The following LUZP2 variants were observed in gnomAD, a reference collection of about 807,000 sequenced individuals.
The protein encoded by LUZP2 is leucine zipper protein 2.
LUZP2 carries 52 observed loss-of-function variants against 51.6 expected under a neutral mutation model. That is an observed-to-expected ratio of 1.01 (90% CI 0.81 to 1.27). LUZP2 has a LOEUF of 1.27. Among genes scored for constraint, LUZP2 ranks in the 50% most tolerant of loss-of-function variants. The pLI, the probability that LUZP2 is intolerant of heterozygous loss-of-function variation, is 0.00. For synonymous variants in LUZP2, 154 were observed against 137.3 expected, an observed-to-expected ratio of 1.12 and a Z score of -0.85; for missense variants, 436 against 395.4, an observed-to-expected ratio of 1.10 and a Z score of -0.87.
At chr11:24,561,547 A>C (rs191859811) in intron 1 of LUZP2, among the ~76,000 whole-genome samples, 25 of 152,274 alleles carry the variant, frequency 1.6e-4, no homozygotes, top group Middle Eastern at 3.4e-3. Flanking sequence ...CATCATTCTC[A>C]GCAAACTAAC....
In LUZP2 at chr11:24,774,248, G is replaced by A. The variant is rs185212689; in HGVS notation, c.396+10940G>A. Among the ~76,000 whole-genome samples the A allele has an allele frequency of 5.2e-4, 77 of 148,060 alleles. No individual in the cohort carries two copies. In the South Asian group the frequency reaches 6.6e-3, roughly 13 times the overall value. On this transcript the variant is annotated intron_variant, in intron 5 of 11. Coordinates refer to ENST00000336930, the MANE Select transcript of LUZP2 (RefSeq NM_001009909.4). ...TTCAAATTCTTCAGCTCTGGAACTCGGACTCTTTGCTCCTCAGCCTGTGCA... is the reference window on the plus strand; with the variant it reads ...TTCAAATTCTTCAGCTCTGGAACTCAGACTCTTTGCTCCTCAGCCTGTGCA...
chr11:24,834,847 C>T (rs4506649), intron 5 of LUZP2, among the ~76,000 whole-genome samples: 88,661 of 152,010 alleles, frequency 0.58, 27,383 homozygotes, highest in East Asian at 0.68. Flanking sequence ...TGACCAGTGA[C>T]GATGAACTTT....
At chr11:24,516,928 A>G (rs1466134548) in intron 1 of LUZP2, among the ~76,000 whole-genome samples, 4 of 152,166 alleles carry the variant, frequency 2.6e-5, no homozygotes, top group African/African-American at 9.7e-5. Flanking sequence ...ATTTTTACAT[A>G]CTCAAGAAAT....
chr11:24,576,469 A>G (rs1182071871), intron 1 of LUZP2, among the ~76,000 whole-genome samples: 1 of 151,666 alleles, frequency 6.6e-6, no homozygotes, highest in Non-Finnish European at 1.5e-5. Flanking sequence ...CATATTTGAC[A>G]CAGGTCAATT....
chr11:24,552,413 T>C (rs1248605018), intron 1 of LUZP2, among the ~76,000 whole-genome samples: 1 of 151,934 alleles, frequency 6.6e-6, no homozygotes, highest in African/African-American at 2.4e-5. Context: ...AATAAGCAAA[T>C]ATATAAGCCC....
chr11:24,880,342 G>A (rs1217139330), intron 5 of LUZP2, among the ~76,000 whole-genome samples: 1 of 130,202 alleles, frequency 7.7e-6, no homozygotes, highest in East Asian at 2.7e-4. Flanking sequence ...GGTGGCATTG[G>A]TAATTCAACA....
At chr11:24,914,645 A>T in intron 7 of LUZP2, 107 bp downstream of exon 7, 1 of 774,294 alleles carries the variant, frequency 1.3e-6, no homozygotes, top group Non-Finnish European at 2.1e-6. Context: ...CATGAATTGG[A>T]GTTGCATTTG....
At chr11:24,921,534 C>T (rs1310326544) in intron 7 of LUZP2, among the ~76,000 whole-genome samples, 4 of 152,038 alleles carry the variant, frequency 2.6e-5, no homozygotes, top group African/African-American at 9.7e-5. Flanking sequence ...CCGGCATGTG[C>T]GTATTACAGC....
chr11:24,684,959 T>C (rs1393864146), intron 1 of LUZP2, among the ~76,000 whole-genome samples: 4 of 152,180 alleles, frequency 2.6e-5, no homozygotes, highest in African/African-American at 4.8e-5. Flanking sequence ...TGGATGCTTA[T>C]GTGTTTCTCT....
At chr11:25,007,372 G>A (rs1465101687) in intron 9 of LUZP2, among the ~76,000 whole-genome samples, 3 of 152,184 alleles carry the variant, frequency 2.0e-5, no homozygotes, top group African/African-American at 7.2e-5. Context: ...GTAGGCTGAG[G>A]TGGGCAAATC....
intron 6 of LUZP2, among the ~76,000 whole-genome samples, chr11:24,912,807 C>A (rs1286810114): frequency 6.6e-6 from 1 of 151,920 alleles, no homozygotes; most frequent in Non-Finnish European, 1.5e-5. Flanking sequence ...AAGACTCCAT[C>A]TCAAGAAAAA....
chr11:24,811,143 T>C (rs1346888530), intron 5 of LUZP2, among the ~76,000 whole-genome samples: 3 of 152,162 alleles, frequency 2.0e-5, no homozygotes, highest in Non-Finnish European at 4.4e-5. Context: ...CACTCTGTTT[T>C]GCTTCCAGTT....
intron 5 of LUZP2, among the ~76,000 whole-genome samples, chr11:24,836,514 C>T (rs555069048): frequency 2.0e-5 from 3 of 151,876 alleles, no homozygotes; most frequent in South Asian, 4.1e-4. Context: ...TGGTTTATAA[C>T]AATCAATAAG....
At chr11:24,998,400 C>T (rs1004367928) in intron 9 of LUZP2, among the ~76,000 whole-genome samples, 1 of 152,122 alleles carries the variant, frequency 6.6e-6, no homozygotes, top group Non-Finnish European at 1.5e-5. Flanking sequence ...TGGGAGTTCA[C>T]TCATGATTTG....
rs888881548 is a variant in LUZP2, at chr11:24,725,712, G to T, written c.63-3457G>T. 3.9e-5 allele frequency among the ~76,000 whole-genome samples: 6 copies of T among 152,216 alleles called. No homozygotes were observed. The South Asian group carries it at 1.2e-3, about 32-fold the overall frequency. Reference sequence around the variant, plus strand: ...CCAAATAAATTAGGTAAATGTAATAGGTTGGAATATGTGCCTCCAAATTTA... The same window carrying T: ...CCAAATAAATTAGGTAAATGTAATATGTTGGAATATGTGCCTCCAAATTTA... On this transcript the variant is annotated intron_variant, in intron 1 of 11. Transcript: ENST00000336930.
In LUZP2 at chr11:24,906,241, G is replaced by GA. The variant is rs376383170; in HGVS notation, c.459+199dup. ...GTTTTAACATTGCAATAGCCAAAAG[G>GA]AAAAAAAAAAATTAACAAAGGCAGG... On this transcript the variant is annotated intron_variant, in intron 6 of 11. Coordinates refer to ENST00000336930, the MANE Select transcript of LUZP2 (RefSeq NM_001009909.4). Among the ~76,000 whole-genome samples, 131 of 141,684 alleles carry GA rather than the reference G, an allele frequency of 9.2e-4. 1 individual carries two copies. Among genetic ancestry groups the GA allele is most frequent in the South Asian group, 1.1e-3 (5 of 4,528 alleles). The allele number at this position is 141,684 out of a possible 152,430, so 93.0% of individuals were successfully genotyped here. A position where few individuals can be genotyped will look rare whatever the true frequency, so the allele number is the denominator to read the frequency against.
At position 24,497,195 on chromosome 11, in the gene LUZP2, G is replaced by C. The variant is rs747101081; in HGVS notation, c.-49G>C. ...CACCAAGGAGCGACAGGATCCCGAA[G>C]AGAGAGAGAGAAGGCAGCGAGGGAA... On this transcript the variant is annotated 5_prime_UTR_variant, in exon 1 of 12. Transcript: ENST00000336930. 1.1e-5 allele frequency: 15 copies of C among 1,321,256 alleles called. 1 individual carries two copies. In the South Asian group the frequency reaches 2.3e-4, roughly 21 times the overall value. The allele number at this position is 1,321,256 out of a possible 1,614,324, so 81.8% of individuals were successfully genotyped here. A position where few individuals can be genotyped will look rare whatever the true frequency, so the allele number is the denominator to read the frequency against.
chr11:24,735,078 T>A (rs986457598), intron 3 of LUZP2, among the ~76,000 whole-genome samples: 1 of 151,974 alleles, frequency 6.6e-6, no homozygotes, highest in Non-Finnish European at 1.5e-5. Flanking sequence ...AGTCTTTCTG[T>A]GTAGCTGGAG....
At chr11:25,051,653 G>T (rs1008469698) in intron 10 of LUZP2, among the ~76,000 whole-genome samples, 1 of 152,168 alleles carries the variant, frequency 6.6e-6, no homozygotes, top group Non-Finnish European at 1.5e-5. Context: ...AGGGGCCCTG[G>T]ATTCCCAAGC....
Sources: gnomAD v4.1 joint callset for allele counts (sites outside exome capture counted in the v4.1 genomes callset) on GRCh38, gnomAD v4.1.1 for gene constraint, MANE v1.5 for transcripts, NCBI Gene and HGNC (gene_info 2026-07-23, HGNC 2026-07-21) for gene names.